The following STX8 variants were observed in gnomAD, a reference collection of about 807,000 sequenced individuals.
STX8 encodes syntaxin 8.
In STX8, 23 loss-of-function variants were observed where a neutral mutation model predicts 37.5. The observed-to-expected ratio is 0.61, with a 90% CI of 0.44 to 0.87. The LOEUF (loss-of-function observed/expected upper bound fraction) is 0.87. STX8 is among the 40% of genes least tolerant of loss of function. The probability of loss-of-function intolerance (pLI) is 0.00; values close to 1 mark genes in which losing one functional copy is unlikely to be tolerated. For synonymous variants in STX8, 115 were observed against 99.1 expected (o/e 1.16, Z -0.95); for missense variants, 313 against 284.7 (o/e 1.10, Z -0.71).
chr17:9,275,979 CTTA>C (rs1907661930), intron 7 of STX8, among the ~76,000 whole-genome samples: 4 of 152,114 alleles, frequency 2.6e-5, no homozygotes. Flanking sequence ...ACTCACTTAT[CTTA>C]TTATTAAGGC....
chr17:9,408,224 C>T (rs1029432971), intron 6 of STX8, among the ~76,000 whole-genome samples: 1 of 152,058 alleles, frequency 6.6e-6, no homozygotes, highest in African/African-American at 2.4e-5. Context: ...AAATGTCTGG[C>T]GAACACCATA....
chr17:9,431,223 GTTGTT>G (rs1439176384), intron 6 of STX8, among the ~76,000 whole-genome samples: 3 of 125,394 alleles, frequency 2.4e-5, no homozygotes, highest in Non-Finnish European at 3.4e-5. Flanking sequence ...TTTTGTTGTT[GTTGTT>G]TTATTTTTCT....
At chr17:9,263,474 C>T (rs970084907) in intron 7 of STX8, among the ~76,000 whole-genome samples, 4 of 152,126 alleles carry the variant, frequency 2.6e-5, no homozygotes, top group African/African-American at 7.2e-5. Flanking sequence ...AATGAAACTC[C>T]GTCTCATATG....
In STX8 at chr17:9,545,267, C is replaced by T. The variant is rs1433792481; in HGVS notation, c.228G>A (p.Gly76=). ...VSTHQITQLE[G]DRRQNLLDDL... ...CATCCAAGAGGTTCTGTCTTCGGTC[C>T]CCTTCAAGCTGTGTTCTGCAGATAT... The change falls in exon 4 of 8, where the codon GGG becomes GGA. Residue 76 remains glycine (G), a synonymous_variant. Coordinates refer to ENST00000306357, the MANE Select transcript of STX8 (RefSeq NM_004853.3). The T allele has an allele frequency of 6.2e-7, 1 of 1,613,648 alleles. No homozygotes were observed. Among genetic ancestry groups the T allele is most frequent in the East Asian group, 2.2e-5 (1 of 44,874 alleles).
chr17:9,547,232 G>T (rs1906564903), intron 3 of STX8: 1 of 128,948 alleles, frequency 7.8e-6, no homozygotes, highest in African/African-American at 3.2e-5. Flanking sequence ...TGGTGAAAGA[G>T]CGAGACTCTG....
intron 4 of STX8, among the ~76,000 whole-genome samples, chr17:9,523,775 G>A (rs559492248): frequency 6.6e-6 from 1 of 152,330 alleles, no homozygotes; most frequent in East Asian, 1.9e-4. Flanking sequence ...AAAGATGTGA[G>A]TTCAGTGAAA....
chr17:9,363,342 A>G (rs1911128568), intron 7 of STX8, among the ~76,000 whole-genome samples: 2 of 152,154 alleles, frequency 1.3e-5, no homozygotes, highest in Admixed American at 6.5e-5. Context: ...ACGGATATAA[A>G]AGAAAAATCT....
rs747426424 is a variant in STX8, at chr17:9,464,719, ATTGTTT to A, written c.541+27104_541+27109del. 459 of 132,640 alleles carry A rather than the reference ATTGTTT, an allele frequency of 3.5e-3. 4 individuals are homozygous for A. Among genetic ancestry groups the A allele is most frequent in the Non-Finnish European group, 5.2e-3 (341 of 64,988 alleles). 8.2% of individuals were successfully genotyped at this position (132,640 alleles called of 1,614,324 possible). A position where few individuals can be genotyped will look rare whatever the true frequency, so the allele number is the denominator to read the frequency against. The stretch of plus-strand genomic sequence containing the variant: ...TACGGTGCCCTCTGATGCCAATCTC[ATTGTTT>A]TTTTTTTTTTTTTTTGTGACGGAGT... On this transcript the variant is annotated intron_variant, in intron 6 of 7. Coordinates refer to ENST00000306357, the MANE Select transcript of STX8 (RefSeq NM_004853.3).
At chr17:9,259,053 A>G (rs909738555) in intron 7 of STX8, among the ~76,000 whole-genome samples, 1 of 92,908 alleles carries the variant, frequency 1.1e-5, no homozygotes, top group Non-Finnish European at 3.1e-5. Context: ...AGAATCTCCA[A>G]AAACAGATCA....
intron 4 of STX8, among the ~76,000 whole-genome samples, chr17:9,522,907 T>C (rs1445561766): frequency 6.6e-6 from 1 of 152,068 alleles, no homozygotes; most frequent in Non-Finnish European, 1.5e-5. Flanking sequence ...TTTGAATAGC[T>C]AGAAGAGAGG....
intron 6 of STX8, among the ~76,000 whole-genome samples, chr17:9,491,451 C>T (rs1772990650): frequency 6.6e-6 from 1 of 152,154 alleles, no homozygotes; most frequent in Non-Finnish European, 1.5e-5. Context: ...AAGCCTGGTA[C>T]ATAGGATCGA....
intron 7 of STX8, among the ~76,000 whole-genome samples, chr17:9,308,744 A>C (rs945475681): frequency 6.8e-6 from 1 of 147,960 alleles, no homozygotes; most frequent in East Asian, 1.9e-4. Flanking sequence ...AAAAAAAAAA[A>C]GGAATTCTAG....
intron 4 of STX8, among the ~76,000 whole-genome samples, chr17:9,544,815 A>C (rs1906431395): frequency 6.6e-6 from 1 of 151,978 alleles, no homozygotes; most frequent in Non-Finnish European, 1.5e-5. Context: ...ATACGGTGAA[A>C]CCCCATCTCT....
chr17:9,553,140 A>G (rs142435079), intron 3 of STX8: 2 of 152,234 alleles, frequency 1.3e-5, no homozygotes, highest in Non-Finnish European at 2.9e-5. Context: ...CTTTAGTACT[A>G]TCTGGAATTT....
intron 7 of STX8, among the ~76,000 whole-genome samples, chr17:9,253,180 T>C (rs1906651081): frequency 6.7e-6 from 1 of 149,034 alleles, no homozygotes. Context: ...CATTTCAAGA[T>C]GCTTGCAGCA....
intron 4 of STX8, among the ~76,000 whole-genome samples, chr17:9,536,964 T>C (rs1906084790): frequency 2.0e-5 from 3 of 152,030 alleles, no homozygotes; most frequent in Non-Finnish European, 4.4e-5. Flanking sequence ...GCCAGGCTGG[T>C]CTCAAACCCC....
chr17:9,365,675 T>C (rs898633764), intron 7 of STX8, among the ~76,000 whole-genome samples: 4 of 152,200 alleles, frequency 2.6e-5, no homozygotes, highest in African/African-American at 9.6e-5. Context: ...TTAAGTATTG[T>C]CCTCAAAAGA....
chr17:9,441,361 G>A (rs1262898883), intron 6 of STX8, among the ~76,000 whole-genome samples: 1 of 151,626 alleles, frequency 6.6e-6, no homozygotes, highest in South Asian at 2.1e-4. Flanking sequence ...GTGGTGGCAT[G>A]CACCTGTAGT....
chr17:9,575,032 T>C (rs1191750530), intron 1 of STX8, among the ~76,000 whole-genome samples: 2 of 152,230 alleles, frequency 1.3e-5, no homozygotes. Context: ...AGCTGTAATA[T>C]GTTTTTAATT....
Sources: gnomAD v4.1 joint callset for allele counts (sites outside exome capture counted in the v4.1 genomes callset) on GRCh38, gnomAD v4.1.1 for gene constraint, MANE v1.5 for transcripts, NCBI Gene and HGNC (gene_info 2026-07-23, HGNC 2026-07-21) for gene names.